The following RGS12 variants were observed in gnomAD, a reference collection of about 807,000 sequenced individuals.
RGS12 encodes regulator of G-protein signaling 12.
In RGS12, 66 loss-of-function variants were observed where a neutral mutation model predicts 120.1. The observed-to-expected ratio is 0.55, with a 90% CI of 0.45 to 0.67. The LOEUF is 0.67. Among genes scored for constraint, RGS12 ranks in the 30% least tolerant of loss-of-function variants. RGS12 has a pLI of 0.00. For synonymous variants in RGS12, 827 were observed against 804.7 expected, an observed-to-expected ratio of 1.03 and a Z score of -0.47; for missense variants, 1,859 against 1,957.7, an observed-to-expected ratio of 0.95 and a Z score of 0.95.
At chr4:3,345,158 G>A (rs1262176209) in intron 3 of RGS12, among the ~76,000 whole-genome samples, 3 of 152,174 alleles carry the variant, frequency 2.0e-5, no homozygotes, top group Non-Finnish European at 4.4e-5. Context: ...TTACAAGGAT[G>A]GGACCAGTCC....
At chr4:3,402,002 G>A (rs1331254826) in intron 4 of RGS12, among the ~76,000 whole-genome samples, 7 of 152,212 alleles carry the variant, frequency 4.6e-5, no homozygotes, top group Non-Finnish European at 1.0e-4. Context: ...CCACCCCTGG[G>A]AAGGGGCCAG....
chr4:3,349,247 A>G (rs1452765024), intron 3 of RGS12, among the ~76,000 whole-genome samples: 2 of 152,218 alleles, frequency 1.3e-5, no homozygotes, highest in African/African-American at 4.8e-5. Flanking sequence ...TATCTTTCAC[A>G]GACTTTTATG....
chr4:3,326,875 G>A (rs1263969325), intron 2 of RGS12, among the ~76,000 whole-genome samples: 1 of 152,132 alleles, frequency 6.6e-6, no homozygotes, highest in Non-Finnish European at 1.5e-5. Context: ...TCATTAAAGT[G>A]ACCATACTGT....
Position 3,343,143 on chromosome 4 carries a change from C to T in RGS12, c.1998+90C>T, listed in dbSNP as rs998470964. Reference sequence around the variant, plus strand: ...AGATACGTCTGGCTGTTTTTTGAGTCCCTGTGGTCCCCTCCCCTCCTCCTC... The same window carrying T: ...AGATACGTCTGGCTGTTTTTTGAGTTCCTGTGGTCCCCTCCCCTCCTCCTC... On this transcript the variant is annotated intron_variant, in intron 3 of 17. Coordinates refer to ENST00000336727, the MANE Select transcript of RGS12 (RefSeq NM_001394154.1). The T allele has an allele frequency of 1.3e-5, 11 of 830,586 alleles. No homozygotes were observed. In the African/African-American group the frequency reaches 1.7e-4, roughly 13 times the overall value. 51.5% of individuals were successfully genotyped at this position (830,586 alleles called of 1,614,324 possible). A position where few individuals can be genotyped will look rare whatever the true frequency, so the allele number is the denominator to read the frequency against.
chr4:3,319,080 T>G (rs1318744173), intron 2 of RGS12, among the ~76,000 whole-genome samples: 2 of 149,678 alleles, frequency 1.3e-5, no homozygotes, highest in African/African-American at 5.1e-5. Flanking sequence ...TCTACTTGAT[T>G]CCCCCTCCCC....
At chr4:3,424,152 G>T (rs1723350083) in intron 13 of RGS12, among the ~76,000 whole-genome samples, 1 of 152,280 alleles carries the variant, frequency 6.6e-6, no homozygotes, top group Non-Finnish European at 1.5e-5. Flanking sequence ...CACCGCGTGG[G>T]GTGGTGACCG....
intron 1 of RGS12, among the ~76,000 whole-genome samples, chr4:3,302,685 GC>G (rs1394354808): frequency 6.6e-6 from 1 of 152,114 alleles, no homozygotes; most frequent in Non-Finnish European, 1.5e-5. Context: ...GAAGGGAGGC[GC>G]CCCAGGAGTG....
At chr4:3,296,494 T>C (rs1367098232) in intron 1 of RGS12, among the ~76,000 whole-genome samples, 1 of 152,124 alleles carries the variant, frequency 6.6e-6, no homozygotes. Flanking sequence ...CTAGCTTCTG[T>C]CTTCTTCTGC....
At chr4:3,407,632 A>G (rs1730768) in intron 4 of RGS12, 129,454 of 152,342 alleles carry the variant, frequency 0.85, 55,492 homozygotes, top group East Asian at 1. Context: ...ACACTGACTT[A>G]TGTGGTCTTC....
At chr4:3,414,449 C>T (rs574517473) in intron 5 of RGS12, 55 of 616,736 alleles carry the variant, frequency 8.9e-5, no homozygotes, top group South Asian at 5.4e-4. Flanking sequence ...CCCCAGGGAG[C>T]GTCCCTGGCC....
At chr4:3,377,564 T>A (rs1227812578) in intron 3 of RGS12, among the ~76,000 whole-genome samples, 1 of 152,262 alleles carries the variant, frequency 6.6e-6, no homozygotes, top group African/African-American at 2.4e-5. Flanking sequence ...AGTATATTAC[T>A]GTAAACCAAT....
intron 1 of RGS12, among the ~76,000 whole-genome samples, chr4:3,311,155 C>T (rs1283017231): frequency 6.6e-6 from 1 of 152,002 alleles, no homozygotes; most frequent in Non-Finnish European, 1.5e-5. Context: ...CTTCTCGGTG[C>T]CCCCAGACTC....
chr4:3,386,520 C>T (rs1180242988), intron 4 of RGS12, 83 bp downstream of exon 4: 1 of 1,216,716 alleles, frequency 8.2e-7, no homozygotes, highest in Admixed American at 1.8e-5. Flanking sequence ...ATTTGATGCC[C>T]TCAGGAAGGA....
intron 1 of RGS12, among the ~76,000 whole-genome samples, chr4:3,310,194 G>GA (rs1456732511): frequency 7.6e-4 from 112 of 147,098 alleles, no homozygotes; most frequent in African/African-American, 1.8e-3. Flanking sequence ...TGGGACCCGG[G>GA]AATGGCAGGT....
At chr4:3,316,041 A>G in intron 1 of RGS12, 29 bp from the exon 2 acceptor site, 2 of 862,034 alleles carry the variant, frequency 2.3e-6, no homozygotes, top group East Asian at 2.5e-5. Context: ...GGGCTCTTTA[A>G]TAATGAGCTG....
chr4:3,300,619 G>A (rs1360467515), intron 1 of RGS12, among the ~76,000 whole-genome samples: 1 of 152,182 alleles, frequency 6.6e-6, no homozygotes, highest in Non-Finnish European at 1.5e-5. Context: ...GCAGAGCTGT[G>A]ACCCCTCCGA....
chr4:3,395,661 C>T (rs1334804996), intron 4 of RGS12, among the ~76,000 whole-genome samples: 2 of 152,176 alleles, frequency 1.3e-5, no homozygotes, highest in African/African-American at 4.8e-5. Flanking sequence ...TTCTCAGTCC[C>T]CTGATGACTA....
intron 1 of RGS12, among the ~76,000 whole-genome samples, chr4:3,302,678 G>T (rs931691163): frequency 6.6e-5 from 10 of 152,214 alleles, no homozygotes; most frequent in African/African-American, 2.4e-4. Context: ...TGCATGAGAA[G>T]GGAGGCGCCC....
upstream of RGS12, among the ~76,000 whole-genome samples, chr4:3,290,114 G>A (rs1483317768): frequency 6.6e-6 from 1 of 152,202 alleles, no homozygotes; most frequent in African/African-American, 2.4e-5. Context: ...TGCTGAGCCT[G>A]GGAGTGCAGA....
Sources: allele counts gnomAD v4.1 joint callset (sites outside exome capture counted in the v4.1 genomes callset), GRCh38; gene constraint gnomAD v4.1.1; transcripts MANE v1.5; gene names NCBI Gene and HGNC (gene_info 2026-07-23, HGNC 2026-07-21).